EXTL1: variants seen among roughly 807,000 people sequenced by gnomAD.
EXTL1 encodes the protein exostosin-like 1.
EXTL1 carries 43 observed loss-of-function variants against 64.6 expected under a neutral mutation model. That is an observed-to-expected ratio of 0.67 (90% CI 0.52 to 0.86). EXTL1 has a LOEUF of 0.86. Among genes scored for constraint, EXTL1 ranks in the 40% least tolerant of loss-of-function variants. The probability of loss-of-function intolerance (pLI) is 0.00; values close to 1 mark genes in which losing one functional copy is unlikely to be tolerated. For synonymous variants in EXTL1, 352 were observed against 360.5 expected (o/e 0.98, Z 0.27); for missense variants, 766 against 879.0 (o/e 0.87, Z 1.62).
In EXTL1 at chr1:26,033,388, T is replaced by A; in HGVS notation, c.1518+73T>A. The A allele has an allele frequency of 1.5e-6, 2 of 1,363,906 alleles. No homozygotes were observed. The highest frequency in any genetic ancestry group is 1.2e-5 in the South Asian group (1 of 85,900). The allele number at this position is 1,363,906 out of a possible 1,614,324, so 84.5% of individuals were successfully genotyped here. ...AGAGGGCCCTGGCAGCCCCTCAGGT[T>A]CCCAGGGTTGAGGGGACCCCAGGTC... On this transcript the variant is annotated intron_variant, in intron 8 of 10. Transcript: ENST00000374280. This position sits in a 1 kb window ranked among gnomAD's most constrained non-coding sequence, Gnocchi z 5.1.
chr1:26,029,402 C>T (rs2050255807), intron 2 of EXTL1, 116 bp downstream of exon 2: 2 of 858,212 alleles, frequency 2.3e-6, no homozygotes, highest in Non-Finnish European at 3.9e-6. Flanking sequence ...TCCTTTACTC[C>T]TGGACTCAGG....
At chr1:26,028,822 G>GA (rs2050246351) in intron 1 of EXTL1, among the ~76,000 whole-genome samples, 1 of 152,222 alleles carries the variant, frequency 6.6e-6, no homozygotes, top group African/African-American at 2.4e-5. Flanking sequence ...CCGAGTGGGG[G>GA]AGGGCAGACG....
Position 26,022,463 on chromosome 1 carries a change from G to A in EXTL1, c.-184G>A. 1.9e-6 allele frequency: 1 copy of A among 537,920 alleles called. No individual in the cohort carries two copies. The highest frequency in any genetic ancestry group is 3.3e-6 in the Non-Finnish European group (1 of 302,456). 33.3% of individuals were successfully genotyped at this position (537,920 alleles called of 1,614,324 possible). On this transcript the variant is annotated 5_prime_UTR_variant, in exon 1 of 11. In the 5' UTR this introduces an upstream ATG that the reference lacks. Coordinates refer to ENST00000374280, the MANE Select transcript of EXTL1 (RefSeq NM_004455.3). ...CACCTGGCCTCCTCCTGCCTGGCTG[G>A]TGACTCACTATCTGACCTTAGACAG...
intron 4 of EXTL1, among the ~76,000 whole-genome samples, 178 bp from the exon 5 acceptor site, chr1:26,030,954 G>A (rs928087291): frequency 1.3e-5 from 2 of 152,152 alleles, no homozygotes; most frequent in African/African-American, 4.8e-5. Context: ...GGGAAGCAGT[G>A]ACCCTGCCAC....
chr1:26,030,599 AG>A lies in EXTL1; in HGVS notation c.1101+8del. On this transcript the variant is annotated splice_donor_5th_base_variant and intron_variant, in intron 4 of 10. Coordinates refer to ENST00000374280, the MANE Select transcript of EXTL1 (RefSeq NM_004455.3). Reference sequence around the variant, plus strand: ...GGTCATCCATACCACTCTGGAGGTGAGGGGTCTCACCTGATGGGGGTCCTGG... The same window carrying A: ...GGTCATCCATACCACTCTGGAGGTGAGGGTCTCACCTGATGGGGGTCCTGG... The A allele has an allele frequency of 6.2e-7, 1 of 1,607,710 alleles. No homozygotes were observed.
At chr1:26,023,823 C>T (rs980893704) in intron 1 of EXTL1, among the ~76,000 whole-genome samples, 2 of 152,246 alleles carry the variant, frequency 1.3e-5, no homozygotes, top group Middle Eastern at 3.4e-3. Flanking sequence ...GTACCAGGCA[C>T]GAAAGCTCAG....
intron 4 of EXTL1, 82 bp downstream of exon 4, chr1:26,030,677 T>C: frequency 6.9e-7 from 1 of 1,452,342 alleles, no homozygotes; most frequent in African/African-American, 1.4e-5. Flanking sequence ...TCTGCCACAG[T>C]GTTTGGGGAA....
In EXTL1 at chr1:26,029,617, GCTT is replaced by G. The variant is rs754475052; in HGVS notation, c.894_896del (p.Leu299del). ...CCCCCCAGGCCGGCTGCATCCCAGTGCTTCTCAGCCCCCGCTGGGAGCTGCCCT... is the reference window on the plus strand; with the variant it reads ...CCCCCCAGGCCGGCTGCATCCCAGTGCTCAGCCCCCGCTGGGAGCTGCCCT... On this transcript the variant is annotated inframe_deletion, in exon 3 of 11. Transcript: ENST00000374280. 1.7e-5 allele frequency: 27 copies of G among 1,609,478 alleles called. No homozygotes were observed. The highest frequency in any genetic ancestry group is 1.3e-4 in the South Asian group (12 of 90,386).
intron 4 of EXTL1, 96 bp downstream of exon 4, chr1:26,030,691 C>CT (rs923603321): frequency 8.8e-6 from 12 of 1,365,942 alleles, no homozygotes; most frequent in East Asian, 2.4e-5. Flanking sequence ...TGGGGAACCC[C>CT]CCCCCCTTCC....
In EXTL1 at chr1:26,025,989, G is replaced by T. The variant is rs1376159206; in HGVS notation, c.779+2564G>T. On this transcript the variant is annotated intron_variant, in intron 1 of 10. Coordinates refer to ENST00000374280, the MANE Select transcript of EXTL1 (RefSeq NM_004455.3). The surrounding 1 kb of genome is among the most constrained non-coding windows in gnomAD (Gnocchi z 5.3). Reference sequence around the variant, plus strand: ...TTTGAAAATCAGGGCTGGGCATAGTGGCTTACACCTGTGATCCCAGCACTT... The same window carrying T: ...TTTGAAAATCAGGGCTGGGCATAGTTGCTTACACCTGTGATCCCAGCACTT... Among the ~76,000 whole-genome samples, 1 of 152,086 alleles carries T rather than the reference G, an allele frequency of 6.6e-6. No individual in the cohort carries two copies. The highest frequency in any genetic ancestry group is 1.9e-4 in the East Asian group (1 of 5,168).
In EXTL1 at chr1:26,030,534, C is replaced by A; in HGVS notation, c.1040C>A (p.Thr347Asn). The change falls in exon 4 of 11, where the codon ACC (threonine) becomes AAC (asparagine). Residue 347 changes from threonine to asparagine, a missense_variant. By Grantham distance (65) the Thr-to-Asn change is moderately conservative. Transcript: ENST00000374280. ...CGGGTCCTCGCCCTGCGTCAGCAGA[C>A]CCAGTTTCTATGGGATGCCTACTTC... ...PARVLALRQQ[T>N]QFLWDAYFSS... 6.2e-7 allele frequency: 1 copy of A among 1,613,688 alleles called. No homozygotes were observed. The highest frequency in any genetic ancestry group is 8.5e-7 in the Non-Finnish European group (1 of 1,179,944).
At position 26,033,994 on chromosome 1, in the gene EXTL1, T is replaced by A. The variant is rs1029117645; in HGVS notation, c.1679+138T>A. 48 of 749,852 alleles carry A rather than the reference T, an allele frequency of 6.4e-5. No homozygotes were observed. The highest frequency in any genetic ancestry group is 9.3e-5 in the Non-Finnish European group (46 of 494,154). 46.4% of individuals were successfully genotyped at this position (749,852 alleles called of 1,614,324 possible). A position where few individuals can be genotyped will look rare whatever the true frequency, so the allele number is the denominator to read the frequency against. On this transcript the variant is annotated intron_variant, in intron 9 of 10. Coordinates refer to ENST00000374280, the MANE Select transcript of EXTL1 (RefSeq NM_004455.3). This position sits in a 1 kb window ranked among gnomAD's most constrained non-coding sequence, Gnocchi z 5.1. Reference sequence around the variant, plus strand: ...GATCTGCCACTTCCCAGCTGTGGGATCCTGGGCAAATCTCCTCACTTCTCT... The same window carrying A: ...GATCTGCCACTTCCCAGCTGTGGGAACCTGGGCAAATCTCCTCACTTCTCT...
rs2050258168 is a variant in EXTL1 at position 26,029,580 on chromosome 1, G to A, written c.874-20G>A. 5.3e-6 allele frequency: 8 copies of A among 1,498,566 alleles called. No individual in the cohort carries two copies. Among genetic ancestry groups the A allele is most frequent in the Non-Finnish European group, 5.5e-6 (6 of 1,086,664 alleles). 92.8% of individuals were successfully genotyped at this position (1,498,566 alleles called of 1,614,324 possible). ...GTGCAGGGTGGGGCTGGGCTCCCCA[G>A]TGACCTCCCCGCCCCCCAGGCCGGC... On this transcript the variant is annotated intron_variant, in intron 2 of 10. Transcript: ENST00000374280.
At chr1:26,028,142 G>A (rs1198720955) in intron 1 of EXTL1, among the ~76,000 whole-genome samples, 1 of 152,182 alleles carries the variant, frequency 6.6e-6, no homozygotes, top group Non-Finnish European at 1.5e-5. Flanking sequence ...ATGGAGGGAG[G>A]ACAAAGAAGG....
intron 5 of EXTL1, 59 bp downstream of exon 5, chr1:26,031,323 G>A: frequency 1.9e-6 from 3 of 1,581,304 alleles, no homozygotes; most frequent in Non-Finnish European, 2.6e-6. Context: ...GGCTGCCCCA[G>A]CCTCATCTGG....
intron 3 of EXTL1, 70 bp downstream of exon 3, chr1:26,029,777 C>T (rs939814985): frequency 4.0e-6 from 4 of 1,009,782 alleles, no homozygotes; most frequent in African/African-American, 3.2e-5. Flanking sequence ...AATCCTGGAT[C>T]GAGGCTGGCC....
chr1:26,029,716 G>A lies in EXTL1; in HGVS notation c.981+9G>A, dbSNP rs1040805790. The A allele has an allele frequency of 6.3e-7, 1 of 1,586,332 alleles. No individual in the cohort carries two copies. Among genetic ancestry groups the A allele is most frequent in the African/African-American group, 1.3e-5 (1 of 74,570 alleles). On this transcript the variant is annotated intron_variant, in intron 3 of 10. Coordinates refer to ENST00000374280, the MANE Select transcript of EXTL1 (RefSeq NM_004455.3). Reference sequence around the variant, plus strand: ...AGAGGCTCCCACTTCAGGTAGCTCAGAGCCCTGCCCACAGGGTGGGAACTG... The same window carrying A: ...AGAGGCTCCCACTTCAGGTAGCTCAAAGCCCTGCCCACAGGGTGGGAACTG...
chr1:26,029,682 T>C lies in EXTL1; in HGVS notation c.956T>C (p.Val319Ala), dbSNP rs1322954094. The C allele has an allele frequency of 1.9e-6, 3 of 1,612,056 alleles. No homozygotes were observed. The highest frequency in any genetic ancestry group is 2.5e-6 in the Non-Finnish European group (3 of 1,179,342). The change falls in exon 3 of 11, where the codon GTA becomes GCA. Residue 319 changes from valine (V) to alanine (A), a missense_variant. This residue lies in a region of EXTL1 where 571 missense variants were observed against 647.6 expected (regional missense o/e 0.88). Coordinates refer to ENST00000374280, the MANE Select transcript of EXTL1 (RefSeq NM_004455.3). ...ATCGACTGGACCAAGGCAGCCATCGTAGCTGATGAGAGGCTCCCACTTCAG... is the reference window on the plus strand; with the variant it reads ...ATCGACTGGACCAAGGCAGCCATCGCAGCTGATGAGAGGCTCCCACTTCAG... ...EVIDWTKAAI[V>A]ADERLPLQVL...
chr1:26,030,493 G>C lies in EXTL1; in HGVS notation c.999G>C (p.Gln333His), dbSNP rs774235002. ...RLPLQVLAAL[Q>H]EMSPARVLAL... ...TGCTCCAGGTCCTGGCTGCCCTCCA[G>C]GAGATGTCCCCTGCACGGGTCCTCG... Residue 333 changes from glutamine to histidine, a missense_variant, in exon 4 of 11, where the codon CAG becomes CAC. By Grantham distance (24) the Gln-to-His change is conservative (BLOSUM62 0). This residue lies in a region of EXTL1 where 571 missense variants were observed against 647.6 expected (regional missense o/e 0.88). Coordinates refer to ENST00000374280, the MANE Select transcript of EXTL1 (RefSeq NM_004455.3). The C allele has an allele frequency of 3.7e-6, 6 of 1,612,136 alleles. No homozygotes were observed. The African/African-American group carries it at 8.0e-5, about 22-fold the overall frequency.
Sources: gnomAD v4.1 joint callset for allele counts (sites outside exome capture counted in the v4.1 genomes callset) on GRCh38, gnomAD v4.1.1 for gene constraint, gnomAD v4.1.1 regional missense constraint, Gnocchi (gnomAD v3.1) non-coding constraint, MANE v1.5 for transcripts, NCBI Gene and HGNC (gene_info 2026-07-23, HGNC 2026-07-21) for gene names.